The following TMEM161A variants were observed in gnomAD, a reference collection of about 807,000 sequenced individuals.
The protein encoded by TMEM161A is adaptive response to oxidative stress protein 29.
In TMEM161A, 46 loss-of-function variants were observed where a neutral mutation model predicts 57.1. The observed-to-expected ratio is 0.81, with a 90% CI of 0.64 to 1.03. The LOEUF is 1.03. Among genes scored for constraint, TMEM161A ranks in the 50% least tolerant of loss-of-function variants. The pLI, the probability that TMEM161A is intolerant of heterozygous loss-of-function variation, is 0.00. For missense variants in TMEM161A, 601 were observed against 621.5 expected (o/e 0.97, Z 0.35); for synonymous variants, 288 against 279.0 (o/e 1.03, Z -0.32).
intron 1 of TMEM161A, 116 bp downstream of exon 1, chr19:19,138,310 T>C: frequency 6.8e-7 from 1 of 1,468,690 alleles, no homozygotes; most frequent in Non-Finnish European, 9.3e-7. Context: ...CCCGAATCCC[T>C]CAGAGCCTCC....
chr19:19,119,709 T>C lies in TMEM161A; in HGVS notation c.*221A>G. ...CCTGGCACATACGCTTCGGAGACAA[T>C]GGCCTCGGGACCCTCATGCTGCTGG... is the stretch of plus-strand genomic sequence containing the variant. On this transcript the variant is annotated 3_prime_UTR_variant, in exon 12 of 12. Coordinates refer to ENST00000162044, the MANE Select transcript of TMEM161A (RefSeq NM_017814.3). 1.7e-6 allele frequency: 1 copy of C among 593,436 alleles called. No homozygotes were observed. Among genetic ancestry groups the C allele is most frequent in the African/African-American group, 1.9e-5 (1 of 53,956 alleles). 36.8% of individuals were successfully genotyped at this position (593,436 alleles called of 1,614,324 possible). A position where few individuals can be genotyped will look rare whatever the true frequency, so the allele number is the denominator to read the frequency against.
intron 6 of TMEM161A, among the ~76,000 whole-genome samples, chr19:19,125,770 C>G (rs1335346528): frequency 6.6e-6 from 1 of 151,936 alleles, no homozygotes; most frequent in Non-Finnish European, 1.5e-5. Flanking sequence ...CCCATCTCGG[C>G]CTCCCAAAGT....
In TMEM161A at chr19:19,134,742, C is replaced by T. The variant is rs902564623; in HGVS notation, c.107+42G>A. The T allele has an allele frequency of 6.3e-6, 9 of 1,427,874 alleles. No homozygotes were observed. The African/African-American group carries it at 9.9e-5, about 16-fold the overall frequency. The allele number at this position is 1,427,874 out of a possible 1,614,324, so 88.5% of individuals were successfully genotyped here. A position where few individuals can be genotyped will look rare whatever the true frequency, so the allele number is the denominator to read the frequency against. On this transcript the variant is annotated intron_variant, in intron 2 of 11. Transcript: ENST00000162044. ...CGGGGCGTGGGGAGCCAGAAGGGGG[C>T]GTGACTCCGCGGGCCCCTCCCACCG...
In TMEM161A at chr19:19,138,468, G is replaced by C; in HGVS notation, c.-40C>G. ...CGCGGTGCACTCACCCACCGGCCTAGGGCTCCGGGCACTCTGCGGAAACTC... is the reference window on the plus strand; with the variant it reads ...CGCGGTGCACTCACCCACCGGCCTACGGCTCCGGGCACTCTGCGGAAACTC... On this transcript the variant is annotated 5_prime_UTR_variant, in exon 1 of 12. Coordinates refer to ENST00000162044, the MANE Select transcript of TMEM161A (RefSeq NM_017814.3). The C allele has an allele frequency of 1.9e-6, 3 of 1,585,312 alleles. No individual in the cohort carries two copies. The highest frequency in any genetic ancestry group is 2.6e-6 in the Non-Finnish European group (3 of 1,166,624).
In TMEM161A at chr19:19,121,456, G is replaced by A. The variant is rs2059910035; in HGVS notation, c.801-35C>T. The A allele has an allele frequency of 6.2e-7, 1 of 1,613,536 alleles. No homozygotes were observed. The highest frequency in any genetic ancestry group is 1.1e-5 in the South Asian group (1 of 91,066). On this transcript the variant is annotated intron_variant, in intron 8 of 11. Coordinates refer to ENST00000162044, the MANE Select transcript of TMEM161A (RefSeq NM_017814.3). This position sits in a 1 kb window ranked among gnomAD's most constrained non-coding sequence, Gnocchi z 5.8. The stretch of plus-strand genomic sequence containing the variant: ...GAGGGCAGGAGGGAGTGAGGCCTGG[G>A]TACCCCCTCTCCTCGAGTCTCTCCC...
intron 1 of TMEM161A, 28 bp from the exon 2 acceptor site, chr19:19,134,915 A>T: frequency 2.0e-6 from 3 of 1,487,358 alleles, no homozygotes; most frequent in Non-Finnish European, 2.8e-6. Context: ...GACTGGCAGC[A>T]CCTGCCAGAG....
At chr19:19,120,261 A>AGGGCTGGCAC in intron 11 of TMEM161A, 78 bp from the exon 12 acceptor site, 1 of 1,267,642 alleles carries the variant, frequency 7.9e-7, no homozygotes, top group Non-Finnish European at 1.1e-6. Context: ...ACGGGGGGCC[A>AGGGCTGGCAC]GGCCCATTCC....
rs944803463 is a variant in TMEM161A at position 19,132,673 on chromosome 19, C to T, written c.270G>A (p.Thr90=). Reference sequence around the variant, plus strand: ...GGCTATTACCCAGGGCATCCACGGTCGTGAGGGGGCAGGTCTCCAGCTGGA... The same window carrying T: ...GGCTATTACCCAGGGCATCCACGGTTGTGAGGGGGCAGGTCTCCAGCTGGA... ...APFQLETCPL[T]TVDALVLRFF... is the part of the protein sequence containing the mutation. The change falls in exon 4 of 12, where the codon ACG becomes ACA. Residue 90 remains threonine (T), a synonymous_variant. Coordinates refer to ENST00000162044, the MANE Select transcript of TMEM161A (RefSeq NM_017814.3). The surrounding 1 kb of genome is among the most constrained non-coding windows in gnomAD (Gnocchi z 4.3). 2.5e-6 allele frequency: 4 copies of T among 1,574,868 alleles called. No individual in the cohort carries two copies. The highest frequency in any genetic ancestry group is 2.4e-5 in the South Asian group (2 of 84,374).
At chr19:19,138,061 A>C (rs1425656608) in intron 1 of TMEM161A, among the ~76,000 whole-genome samples, 1 of 151,602 alleles carries the variant, frequency 6.6e-6, no homozygotes, top group African/African-American at 2.4e-5. Flanking sequence ...CCCAGAGTGG[A>C]CCCCCAACAG....
chr19:19,133,310 G>T, intron 2 of TMEM161A, 100 bp from the exon 3 acceptor site: 1 of 1,068,590 alleles, frequency 9.4e-7, no homozygotes, highest in Non-Finnish European at 1.4e-6. Context: ...GGGTAGCCTA[G>T]GCCAGGGGAA....
In TMEM161A at chr19:19,133,195, C is replaced by A; in HGVS notation, c.123G>T (p.Lys41Asn). 1 of 1,614,168 alleles carries A rather than the reference C, an allele frequency of 6.2e-7. No homozygotes were observed. Among genetic ancestry groups the A allele is most frequent in the Non-Finnish European group, 8.5e-7 (1 of 1,180,016 alleles). ...CCCGAAGCTCCTCCTCAGACGGGTGCTTGTATCGGAACAAACTGAGAGCAA... is the reference window on the plus strand; with the variant it reads ...CCCGAAGCTCCTCCTCAGACGGGTGATTGTATCGGAACAAACTGAGAGCAA... ...LLCNGSLFRY[K>N]HPSEEELRAL... The change falls in exon 3 of 12, where the codon AAG (lysine) becomes AAT (asparagine). Residue 41 changes from lysine to asparagine, a missense_variant. Lys to Asn is a moderately conservative substitution (Grantham distance 94). Transcript: ENST00000162044.
chr19:19,133,263 G>A lies in TMEM161A; in HGVS notation c.108-53C>T, dbSNP rs757387791. ...AGCTCAGGCGTGGGGTTGGGAGGTT[G>A]AGGCAGTGAACCCCAAATCCAGGGA... On this transcript the variant is annotated intron_variant, in intron 2 of 11. Coordinates refer to ENST00000162044, the MANE Select transcript of TMEM161A (RefSeq NM_017814.3). The A allele has an allele frequency of 8.3e-6, 13 of 1,559,110 alleles. No homozygotes were observed. In the Admixed American group the frequency reaches 8.5e-5, roughly 10 times the overall value.
chr19:19,130,295 C>G lies in TMEM161A; in HGVS notation c.456G>C (p.Leu152=). 5.6e-6 allele frequency: 9 copies of G among 1,613,338 alleles called. No homozygotes were observed. The highest frequency in any genetic ancestry group is 7.6e-6 in the Non-Finnish European group (9 of 1,180,020). Residue 152 remains leucine, a synonymous_variant, in exon 6 of 12, where the codon CTG becomes CTC. Transcript: ENST00000162044. ...CGCTGAAGTACAGCCGTGTCACTGT[C>G]AGGAACATCTTGCTGGAGGCTGGAG... ...LTVTFSIKMF[L]TVTRLYFSAE...
At chr19:19,135,419 C>G (rs1329760433) in intron 1 of TMEM161A, among the ~76,000 whole-genome samples, 2 of 152,284 alleles carry the variant, frequency 1.3e-5, no homozygotes, top group East Asian at 3.9e-4. Context: ...CTTAAGTGAT[C>G]CCTGATGGTT....
In TMEM161A at chr19:19,120,173, G is replaced by C. The variant is rs769920988; in HGVS notation, c.1197C>G (p.Ser399=). The C allele has an allele frequency of 1.3e-6, 2 of 1,550,968 alleles. No individual in the cohort carries two copies. Among genetic ancestry groups the C allele is most frequent in the South Asian group, 2.4e-5 (2 of 84,392 alleles). The change falls in exon 12 of 12, where the codon TCC becomes TCG. Residue 399 remains serine, a synonymous_variant. Transcript: ENST00000162044. Reference sequence around the variant, plus strand: ...GTAGAGGAGCTGGGCCCAGGCCCCAGGAATAGCCTCCTAGGAGAAGAGGAT... The same window carrying C: ...GTAGAGGAGCTGGGCCCAGGCCCCACGAATAGCCTCCTAGGAGAAGAGGAT... The part of the protein sequence containing the change: ...TLLLKTLGGY[S]WGLGPAPLLS...
chr19:19,134,070 C>A (rs1261740326), intron 2 of TMEM161A, among the ~76,000 whole-genome samples: 2 of 133,076 alleles, frequency 1.5e-5, no homozygotes, highest in Admixed American at 7.7e-5. Context: ...TTTTTTTTTG[C>A]CTTTGTTTTT....
intron 2 of TMEM161A, among the ~76,000 whole-genome samples, chr19:19,134,045 ATC>A (rs2059972670): frequency 7.1e-6 from 1 of 140,654 alleles, no homozygotes; most frequent in African/African-American, 2.6e-5. Flanking sequence ...CTGAGCTATC[ATC>A]TCTGACGTGT....
intron 6 of TMEM161A, among the ~76,000 whole-genome samples, chr19:19,126,297 A>G (rs973226547): frequency 6.6e-6 from 1 of 152,242 alleles, no homozygotes; most frequent in African/African-American, 2.4e-5. Flanking sequence ...ACTACATTTG[A>G]CGACTCAGCA....
chr19:19,133,874 A>T (rs1285290349), intron 2 of TMEM161A, among the ~76,000 whole-genome samples: 2 of 152,068 alleles, frequency 1.3e-5, no homozygotes, highest in African/African-American at 4.8e-5. Flanking sequence ...GGCTCAAACG[A>T]TCCTCCTGCC....
Sources: gnomAD v4.1 joint callset for allele counts (sites outside exome capture counted in the v4.1 genomes callset) on GRCh38, gnomAD v4.1.1 for gene constraint, Gnocchi (gnomAD v3.1) non-coding constraint, MANE v1.5 for transcripts, NCBI Gene and HGNC (gene_info 2026-07-23, HGNC 2026-07-21) for gene names.